TLL1: variants seen among roughly 807,000 people sequenced by gnomAD.
TLL1 encodes the protein tolloid like 1, also known as tolloid-like protein 1.
In TLL1, 49 loss-of-function variants were observed where a neutral mutation model predicts 128.2. That is an observed-to-expected ratio of 0.38 (90% CI 0.30 to 0.48). The LOEUF is 0.48. Among genes scored for constraint, TLL1 ranks in the 20% least tolerant of loss-of-function variants. The pLI is 0.96. For synonymous variants in TLL1, 454 were observed against 418.8 expected, an observed-to-expected ratio of 1.08 and a Z score of -1.03; for missense variants, 1,123 against 1,242.0, an observed-to-expected ratio of 0.90 and a Z score of 1.44.
intron 16 of TLL1, among the ~76,000 whole-genome samples, chr4:166,073,877 A>C (rs1579709028): frequency 6.6e-6 from 1 of 152,002 alleles, no homozygotes; most frequent in South Asian, 2.1e-4. Flanking sequence ...TGAGAGTAAC[A>C]ATTTGAATTC....
chr4:165,928,579 C>T (rs1478684572), intron 1 of TLL1, among the ~76,000 whole-genome samples: 1 of 152,212 alleles, frequency 6.6e-6, no homozygotes, highest in African/African-American at 2.4e-5. Flanking sequence ...ATGTTGAAAG[C>T]TTCTGTCTGT....
chr4:165,955,772 A>G (rs1156432024), intron 1 of TLL1, among the ~76,000 whole-genome samples: 2 of 152,188 alleles, frequency 1.3e-5, no homozygotes, highest in Non-Finnish European at 2.9e-5. Context: ...CAGCCTTACA[A>G]GAGGTCTTTA....
At chr4:166,076,536 G>T in intron 17 of TLL1, among the ~76,000 whole-genome samples, 1 of 152,154 alleles carries the variant, frequency 6.6e-6, no homozygotes, top group Non-Finnish European at 1.5e-5. Flanking sequence ...ACAACATCCA[G>T]ACGCACTTTC....
At chr4:165,936,365 A>G (rs1733764818) in intron 1 of TLL1, among the ~76,000 whole-genome samples, 1 of 151,262 alleles carries the variant, frequency 6.6e-6, no homozygotes, top group Admixed American at 6.6e-5. Flanking sequence ...AATTACAGGC[A>G]TGCGCCACCA....
At chr4:165,893,406 C>T (rs954819256) in intron 1 of TLL1, among the ~76,000 whole-genome samples, 14 of 152,150 alleles carry the variant, frequency 9.2e-5, no homozygotes, top group African/African-American at 2.2e-4. Context: ...TATACAACAG[C>T]GTTGAGGAAT....
At chr4:166,022,030 C>T (rs1005705650) in intron 8 of TLL1, among the ~76,000 whole-genome samples, 2 of 152,100 alleles carry the variant, frequency 1.3e-5, no homozygotes, top group African/African-American at 4.8e-5. Flanking sequence ...CTTATTTAAA[C>T]ATAATTTTAA....
intron 1 of TLL1, among the ~76,000 whole-genome samples, chr4:165,956,739 G>T (rs1003417527): frequency 1.3e-5 from 2 of 151,946 alleles, no homozygotes; most frequent in Non-Finnish European, 2.9e-5. Context: ...AAGATATCAG[G>T]GTTAAGAGAT....
intron 1 of TLL1, among the ~76,000 whole-genome samples, chr4:165,943,492 G>A (rs1443928178): frequency 6.6e-6 from 1 of 151,758 alleles, no homozygotes; most frequent in East Asian, 1.9e-4. Context: ...CTTAAGCATA[G>A]ATTAAATGCA....
In TLL1 at chr4:166,104,204, C is replaced by A. The variant is rs1311535387; in HGVS notation, c.*3328C>A. ...TGCCATGTAGAAAAATCTCTAAAAG[C>A]ATCAAATGACTAATTTTATTTTTGC... On this transcript the variant is annotated 3_prime_UTR_variant, in exon 21 of 21. Coordinates refer to ENST00000061240, the MANE Select transcript of TLL1 (RefSeq NM_012464.5). Among the ~76,000 whole-genome samples the A allele has an allele frequency of 6.6e-6, 1 of 151,822 alleles. No individual in the cohort carries two copies. The highest frequency in any genetic ancestry group is 2.4e-5 in the African/African-American group (1 of 41,382).
chr4:165,951,060 T>A (rs1734490946), intron 1 of TLL1, among the ~76,000 whole-genome samples: 1 of 151,864 alleles, frequency 6.6e-6, no homozygotes, highest in South Asian at 2.1e-4. Flanking sequence ...ATACCAGGAA[T>A]GAAAAGAGGG....
intron 1 of TLL1, among the ~76,000 whole-genome samples, chr4:165,895,535 T>C (rs1244341737): frequency 1.3e-5 from 2 of 149,538 alleles, no homozygotes; most frequent in Non-Finnish European, 2.9e-5. Context: ...TGTTCATCAA[T>C]TGGAAGACTC....
chr4:165,958,018 T>G (rs1734894854), intron 1 of TLL1, among the ~76,000 whole-genome samples: 1 of 151,516 alleles, frequency 6.6e-6, no homozygotes, highest in East Asian at 2.0e-4. Flanking sequence ...ATTTCATCCA[T>G]GTCCCTACAA....
intron 7 of TLL1, among the ~76,000 whole-genome samples, chr4:166,013,905 T>TA (rs1376172939): frequency 2.6e-5 from 4 of 151,852 alleles, no homozygotes; most frequent in African/African-American, 9.7e-5. Flanking sequence ...TGTTTTTTTT[T>TA]ATCTTTTTTT....
intron 1 of TLL1, among the ~76,000 whole-genome samples, chr4:165,926,504 G>A (rs900579719): frequency 6.6e-5 from 10 of 152,256 alleles, no homozygotes; most frequent in Non-Finnish European, 7.4e-5. Context: ...AAGGTGATGC[G>A]GATAGGAAAT....
At chr4:165,946,056 T>C (rs1470713290) in intron 1 of TLL1, among the ~76,000 whole-genome samples, 1 of 152,114 alleles carries the variant, frequency 6.6e-6, no homozygotes, top group East Asian at 1.9e-4. Context: ...TTGCTGTTGT[T>C]GGAGTGGCTA....
chr4:165,948,016 T>C (rs537089074), intron 1 of TLL1, among the ~76,000 whole-genome samples: 10 of 152,274 alleles, frequency 6.6e-5, no homozygotes, highest in African/African-American at 2.4e-4. Context: ...GGAAAAAAGT[T>C]GACTCAGAGG....
intron 18 of TLL1, among the ~76,000 whole-genome samples, chr4:166,088,861 C>A (rs1052548614): frequency 1.3e-5 from 2 of 152,056 alleles, no homozygotes; most frequent in Admixed American, 1.3e-4. Flanking sequence ...ATGATTTAGG[C>A]CAGACGTCCT....
intron 1 of TLL1, among the ~76,000 whole-genome samples, chr4:165,876,338 C>CAAAAAA (rs5863785): frequency 1.3e-5 from 2 of 148,894 alleles, no homozygotes; most frequent in African/African-American, 4.9e-5. Context: ...AAGCAAGAGT[C>CAAAAAA]AAAAAAAAAA....
chr4:165,972,785 C>T (rs1282476271), intron 1 of TLL1, among the ~76,000 whole-genome samples: 1 of 152,148 alleles, frequency 6.6e-6, no homozygotes, highest in Non-Finnish European at 1.5e-5. Context: ...TCAGTGAGCC[C>T]ATTCCATAAT....
Sources: gnomAD v4.1 joint callset for allele counts (sites outside exome capture counted in the v4.1 genomes callset) on GRCh38, gnomAD v4.1.1 for gene constraint, MANE v1.5 for transcripts, NCBI Gene and HGNC (gene_info 2026-07-23, HGNC 2026-07-21) for gene names.